KAT6B: variants seen among roughly 807,000 people sequenced by gnomAD.
KAT6B encodes histone acetyltransferase KAT6B.
In KAT6B, 10 loss-of-function variants were observed where a neutral mutation model predicts 187.5. The ratio of observed to expected loss-of-function variants is 0.05; its 90% CI spans 0.03 to 0.09. The LOEUF (loss-of-function observed/expected upper bound fraction) is 0.09, where lower values mean the gene tolerates loss of function less well. Ranked by LOEUF, KAT6B falls within the 10% of genes least tolerant of loss-of-function variation. The pLI is 1.00. For missense variants in KAT6B, 1,952 were observed against 2,558.9 expected (o/e 0.76, Z 5.12); for synonymous variants, 861 against 926.8 (o/e 0.93, Z 1.29).
upstream of KAT6B, chr10:74,825,548 CG>C: frequency 4.5e-5 from 7 of 154,420 alleles, no homozygotes; most frequent in East Asian, 1.9e-4. This position sits in a 1 kb window ranked among gnomAD's most constrained non-coding sequence, Gnocchi z 5.0. Flanking sequence ...GGGTCCCGGG[CG>C]GGGGGAGCGC....
intron 3 of KAT6B, among the ~76,000 whole-genome samples, chr10:74,907,006 A>C (rs184991859): frequency 1.4e-3 from 218 of 152,204 alleles, no homozygotes; most frequent in Middle Eastern, 0.01. Context: ...AATTTATGTC[A>C]CTGGTTTGTA....
At chr10:74,988,819 A>G (rs1041803860) in intron 12 of KAT6B, among the ~76,000 whole-genome samples, 200 bp from the exon 13 acceptor site, 1 of 152,224 alleles carries the variant, frequency 6.6e-6, no homozygotes, top group African/African-American at 2.4e-5. Context: ...ATAAAGATGT[A>G]GTTGAGAGGC....
At chr10:74,974,402 T>C (rs1311698604) in intron 7 of KAT6B, among the ~76,000 whole-genome samples, 1 of 152,232 alleles carries the variant, frequency 6.6e-6, no homozygotes, top group Non-Finnish European at 1.5e-5. Flanking sequence ...TTTGTCATTA[T>C]TCACCTTTAG....
intron 1 of KAT6B, 67 bp downstream of exon 1, chr10:74,826,852 G>A (rs959532416): frequency 6.6e-6 from 1 of 151,660 alleles, no homozygotes; most frequent in Non-Finnish European, 1.5e-5. Context: ...CAGACGGGGG[G>A]GGATTCAGGG....
rs745314195 is a variant in KAT6B, at chr10:75,029,051, A to AGAG, written c.4236_4238dup (p.Glu1414dup). 6.2e-7 allele frequency: 1 copy of AGAG among 1,614,130 alleles called. No homozygotes were observed. Among genetic ancestry groups the AGAG allele is most frequent in the South Asian group, 1.1e-5 (1 of 91,084 alleles). ...ACTCTGCACGTTTGGATGATCACGA[A>AGAG]GAGGAGGAGGAAGAGGATGAAGAGC... On this transcript the variant is annotated inframe_insertion, in exon 18 of 18. Coordinates refer to ENST00000287239, the MANE Select transcript of KAT6B (RefSeq NM_012330.4). This position sits in a 1 kb window ranked among gnomAD's most constrained non-coding sequence, Gnocchi z 6.2.
At chr10:74,894,271 G>A (rs762012984) in intron 3 of KAT6B, among the ~76,000 whole-genome samples, 23 of 152,154 alleles carry the variant, frequency 1.5e-4, no homozygotes, top group Non-Finnish European at 2.8e-4. Flanking sequence ...TAGTAGAGAC[G>A]GGGTTTCACC....
chr10:74,945,709 C>G (rs974847319), intron 3 of KAT6B, among the ~76,000 whole-genome samples: 1 of 152,132 alleles, frequency 6.6e-6, no homozygotes, highest in Non-Finnish European at 1.5e-5. Context: ...CTCAGCCTCC[C>G]AAAGTGCTGG....
At chr10:74,929,114 T>C (rs1159605126) in intron 3 of KAT6B, among the ~76,000 whole-genome samples, 2 of 152,264 alleles carry the variant, frequency 1.3e-5, no homozygotes, top group Admixed American at 1.3e-4. Flanking sequence ...TCATTGCTTA[T>C]ATCTGACATA....
intron 3 of KAT6B, among the ~76,000 whole-genome samples, chr10:74,916,684 A>G (rs1192626953): frequency 6.6e-6 from 1 of 152,228 alleles, no homozygotes; most frequent in East Asian, 1.9e-4. Flanking sequence ...TCTTAATTAT[A>G]CTTGATGGGT....
At chr10:74,910,867 C>T (rs538199746) in intron 3 of KAT6B, among the ~76,000 whole-genome samples, 42 of 152,232 alleles carry the variant, frequency 2.8e-4, no homozygotes, top group African/African-American at 9.4e-4. Context: ...ATTTCTTTCC[C>T]GATCTTGGGC....
intron 16 of KAT6B, among the ~76,000 whole-genome samples, chr10:75,022,797 T>C (rs989403410): frequency 2.0e-5 from 3 of 152,082 alleles, no homozygotes; most frequent in African/African-American, 7.2e-5. Context: ...CCAGACACGG[T>C]AGTACGCGCC....
chr10:74,968,578 G>A (rs1482228586), intron 4 of KAT6B, among the ~76,000 whole-genome samples: 2 of 152,080 alleles, frequency 1.3e-5, no homozygotes, highest in Non-Finnish European at 2.9e-5. Flanking sequence ...CCAAAGTCAG[G>A]AAATTATAAA....
rs1846351401 is a variant in KAT6B at position 75,032,048 on chromosome 10, G to A, written c.*1002G>A. ...ATAGCTCAAACTAAGCTTACAAATC[G>A]CATGTAAAAAAGCAAAAAAGTTATT... On this transcript the variant is annotated 3_prime_UTR_variant, in exon 18 of 18. Coordinates refer to ENST00000287239, the MANE Select transcript of KAT6B (RefSeq NM_012330.4). The A allele has an allele frequency of 5.2e-6, 1 of 193,630 alleles. No individual in the cohort carries two copies. The highest frequency in any genetic ancestry group is 1.1e-5 in the Non-Finnish European group (1 of 92,784). 12.0% of individuals were successfully genotyped at this position (193,630 alleles called of 1,614,324 possible).
At position 75,028,766 on chromosome 10, in the gene KAT6B, T is replaced by G; in HGVS notation, c.3942T>G (p.Thr1314=). Residue 1314 remains threonine (T), a synonymous_variant, in exon 18 of 18, where the codon ACT becomes ACG. Coordinates refer to ENST00000287239, the MANE Select transcript of KAT6B (RefSeq NM_012330.4). ...PIRIEEEVKE[T]GEALLPQEEN... ...GGATTGAGGAGGAGGTCAAGGAAAC[T>G]GGGGAAGCCCTGTTGCCTCAAGAGG... The G allele has an allele frequency of 6.2e-7, 1 of 1,614,058 alleles. No individual in the cohort carries two copies. The highest frequency in any genetic ancestry group is 8.5e-7 in the Non-Finnish European group (1 of 1,180,014).
chr10:74,970,573 T>C (rs188906818), intron 6 of KAT6B, among the ~76,000 whole-genome samples: 4 of 152,314 alleles, frequency 2.6e-5, no homozygotes, highest in South Asian at 2.1e-4. Flanking sequence ...AATGATCTTA[T>C]AGCTGATTGT....
intron 3 of KAT6B, among the ~76,000 whole-genome samples, chr10:74,884,056 C>T (rs1036808736): frequency 5.9e-5 from 9 of 152,324 alleles, no homozygotes; most frequent in African/African-American, 1.9e-4. Context: ...GAGAAAAAGA[C>T]ACAGCCTACT....
At chr10:74,860,252 A>G (rs1410692928) in intron 3 of KAT6B, among the ~76,000 whole-genome samples, 1 of 152,304 alleles carries the variant, frequency 6.6e-6, no homozygotes, top group South Asian at 2.1e-4. Flanking sequence ...AGTATGTGAC[A>G]CATAGCAAAA....
In KAT6B at chr10:75,029,267, G is replaced by C; in HGVS notation, c.4443G>C (p.Leu1481=). Reference sequence around the variant, plus strand: ...TCTTAATGGACTGTGGCGTCGACCTGACAGCTTCTTGTAACAGTGAGCCCA... The same window carrying C: ...TCTTAATGGACTGTGGCGTCGACCTCACAGCTTCTTGTAACAGTGAGCCCA... ...PEVLMDCGVD[L]TASCNSEPKE... is the part of the protein sequence containing the mutation. Residue 1481 remains leucine, a synonymous_variant, in exon 18 of 18, where the codon CTG becomes CTC. Transcript: ENST00000287239. This position sits in a 1 kb window ranked among gnomAD's most constrained non-coding sequence, Gnocchi z 6.2. 6.2e-7 allele frequency: 1 copy of C among 1,614,148 alleles called. No homozygotes were observed. Among genetic ancestry groups the C allele is most frequent in the Non-Finnish European group, 8.5e-7 (1 of 1,180,038 alleles).
At chr10:74,871,684 A>G (rs1247978273) in intron 3 of KAT6B, among the ~76,000 whole-genome samples, 3 of 152,220 alleles carry the variant, frequency 2.0e-5, no homozygotes, top group Non-Finnish European at 2.9e-5. Context: ...ATTTAAGAAT[A>G]GGCTGCAACA....
Sources: allele counts gnomAD v4.1 joint callset (sites outside exome capture counted in the v4.1 genomes callset), GRCh38; gene constraint gnomAD v4.1.1; non-coding constraint Gnocchi (gnomAD v3.1); transcripts MANE v1.5; gene names NCBI Gene and HGNC (gene_info 2026-07-23, HGNC 2026-07-21).